The following CLSTN2 variants were observed in gnomAD, a reference collection of about 807,000 sequenced individuals.
The protein encoded by CLSTN2 is calsyntenin-2.
In CLSTN2, 48 loss-of-function variants were observed where a neutral mutation model predicts 101.2. The ratio of observed to expected loss-of-function variants is 0.47; its 90% CI spans 0.38 to 0.60. The LOEUF (loss-of-function observed/expected upper bound fraction) is 0.60. Ranked by LOEUF, CLSTN2 falls within the 20% of genes least tolerant of loss-of-function variation. The pLI, the probability that CLSTN2 is intolerant of heterozygous loss-of-function variation, is 0.00. For missense variants in CLSTN2, 1,160 were observed against 1,238.2 expected, an observed-to-expected ratio of 0.94 and a Z score of 0.95; for synonymous variants, 481 against 463.6, an observed-to-expected ratio of 1.04 and a Z score of -0.48.
At chr3:140,431,481 C>T (rs913817835) in intron 5 of CLSTN2, among the ~76,000 whole-genome samples, 8 of 152,182 alleles carry the variant, frequency 5.3e-5, no homozygotes, top group Non-Finnish European at 8.8e-5. Context: ...TAGGACAGCA[C>T]TGACTTTTTG....
At chr3:140,501,743 T>C (rs916045531) in intron 8 of CLSTN2, among the ~76,000 whole-genome samples, 2 of 152,254 alleles carry the variant, frequency 1.3e-5, no homozygotes, top group African/African-American at 4.8e-5. Flanking sequence ...ATTGTTTTTC[T>C]TTTTCTTTCT....
intron 1 of CLSTN2, among the ~76,000 whole-genome samples, chr3:140,151,545 G>A (rs2009865584): frequency 1.3e-5 from 2 of 152,084 alleles, no homozygotes; most frequent in Admixed American, 1.3e-4. Flanking sequence ...GTGTAATCAG[G>A]GAGGTGGCTT....
At chr3:140,254,307 C>T (rs1398860960) in intron 2 of CLSTN2, among the ~76,000 whole-genome samples, 1 of 152,070 alleles carries the variant, frequency 6.6e-6, no homozygotes, top group East Asian at 1.9e-4. Flanking sequence ...AGGAGAGTTT[C>T]CCAAACAAAT....
At chr3:140,250,496 A>G (rs922919925) in intron 2 of CLSTN2, among the ~76,000 whole-genome samples, 6 of 152,312 alleles carry the variant, frequency 3.9e-5, no homozygotes, top group African/African-American at 1.4e-4. Context: ...ATAGGGAAAA[A>G]TGTGAACAAT....
intron 1 of CLSTN2, among the ~76,000 whole-genome samples, chr3:139,981,700 TG>T (rs1935925805): frequency 6.6e-6 from 1 of 152,240 alleles, no homozygotes; most frequent in African/African-American, 2.4e-5. Flanking sequence ...CCTAAAGCTA[TG>T]TAGCTGCTTT....
intron 1 of CLSTN2, among the ~76,000 whole-genome samples, chr3:139,942,938 C>T (rs1487928491): frequency 1.3e-5 from 2 of 152,208 alleles, no homozygotes; most frequent in Non-Finnish European, 2.9e-5. Context: ...AGACCCTCTA[C>T]TCATATCAGT....
intron 8 of CLSTN2, among the ~76,000 whole-genome samples, chr3:140,517,857 T>C (rs1934950116): frequency 6.6e-6 from 1 of 152,066 alleles, no homozygotes; most frequent in South Asian, 2.1e-4. Flanking sequence ...ATAGGGAGGA[T>C]CAGGTGGTGG....
chr3:140,024,705 A>G (rs2007383533), intron 1 of CLSTN2, among the ~76,000 whole-genome samples: 1 of 152,038 alleles, frequency 6.6e-6, no homozygotes, highest in African/African-American at 2.4e-5. Context: ...AACTTAGGAG[A>G]ACTTAGGACT....
intron 1 of CLSTN2, among the ~76,000 whole-genome samples, chr3:139,944,602 G>T (rs1281464765): frequency 6.6e-6 from 1 of 152,204 alleles, no homozygotes; most frequent in Non-Finnish European, 1.5e-5. Context: ...CCTTGGAGGG[G>T]GAAGTGCCCT....
intron 5 of CLSTN2, 28 bp from the exon 6 acceptor site, chr3:140,448,491 A>G (rs749335698): frequency 6.3e-7 from 1 of 1,582,934 alleles, no homozygotes; most frequent in African/African-American, 1.3e-5. Context: ...CACCTGATTC[A>G]CTTTTCATCC....
At chr3:140,176,136 A>T in intron 2 of CLSTN2, 63 bp downstream of exon 2, 7 of 1,591,162 alleles carry the variant, frequency 4.4e-6, no homozygotes, top group Admixed American at 1.7e-5. Flanking sequence ...TGAAACCTCC[A>T]CAAAGCCCAG....
At chr3:140,490,598 A>G (rs1456400088) in intron 8 of CLSTN2, among the ~76,000 whole-genome samples, 4 of 145,740 alleles carry the variant, frequency 2.7e-5, no homozygotes, top group Admixed American at 2.1e-4. Flanking sequence ...TTGTCTCAGA[A>G]AAAAAAAAAA....
chr3:140,311,782 G>GT (rs1168913995), intron 2 of CLSTN2, among the ~76,000 whole-genome samples: 1 of 152,140 alleles, frequency 6.6e-6, no homozygotes, highest in Non-Finnish European at 1.5e-5. Flanking sequence ...CAGTCCCACA[G>GT]TAAGTGTGGC....
At chr3:140,459,457 A>G in intron 6 of CLSTN2, 64 bp from the exon 7 acceptor site, 2 of 1,583,408 alleles carry the variant, frequency 1.3e-6, no homozygotes, top group Non-Finnish European at 1.7e-6. Flanking sequence ...TTGACCCAGG[A>G]GCAGAAAACA....
chr3:140,154,648 T>TG (rs1274227268), intron 1 of CLSTN2, among the ~76,000 whole-genome samples: 13 of 138,198 alleles, frequency 9.4e-5, no homozygotes, highest in African/African-American at 3.3e-4. Context: ...ACCCTTTTTT[T>TG]TTTTTTTTTT....
intron 1 of CLSTN2, among the ~76,000 whole-genome samples, chr3:139,950,953 C>T (rs773298309): frequency 2.6e-5 from 4 of 152,056 alleles, no homozygotes; most frequent in Admixed American, 1.3e-4. Context: ...CATATTGTGG[C>T]GATGTGACTT....
rs146457830 is a variant in CLSTN2 at position 140,420,566 on chromosome 3, C to T, written c.638-559C>T. Among the ~76,000 whole-genome samples, 61 of 152,236 alleles carry T rather than the reference C, an allele frequency of 4.0e-4. 1 individual carries two copies. Among genetic ancestry groups the T allele is most frequent in the African/African-American group, 9.6e-4 (40 of 41,520 alleles). ...TCTTAGAGAAGAAAAATGTCTTCTT[C>T]GGGGCGAAAAGTGTGTTATTCTATG... is the stretch of plus-strand genomic sequence containing the variant. On this transcript the variant is annotated intron_variant, in intron 4 of 16. Transcript: ENST00000458420.
intron 2 of CLSTN2, among the ~76,000 whole-genome samples, chr3:140,253,584 A>T (rs2086581164): frequency 6.6e-6 from 1 of 152,120 alleles, no homozygotes; most frequent in Admixed American, 6.5e-5. Flanking sequence ...GCCTTTCCTG[A>T]CACGGAAGAG....
intron 4 of CLSTN2, among the ~76,000 whole-genome samples, chr3:140,414,275 A>T (rs570535230): frequency 9.9e-5 from 15 of 152,260 alleles, no homozygotes; most frequent in South Asian, 4.1e-4. Context: ...AAAAATTTTT[A>T]AAAATGCATT....
Sources: allele counts gnomAD v4.1 joint callset (sites outside exome capture counted in the v4.1 genomes callset), GRCh38; gene constraint gnomAD v4.1.1; transcripts MANE v1.5; gene names NCBI Gene and HGNC (gene_info 2026-07-23, HGNC 2026-07-21).